Variants in RGS5 observed in about 807,000 individuals in gnomAD.
RGS5 encodes regulator of G-protein signalling 5.
RGS5 carries 20 observed loss-of-function variants against 18.9 expected under a neutral mutation model. That is an observed-to-expected ratio of 1.06 (90% CI 0.74 to 1.54). The LOEUF is 1.54. Ranked by LOEUF, RGS5 falls within the 40% of genes most tolerant of loss-of-function variation. The probability of loss-of-function intolerance (pLI) is 0.00; values close to 1 mark genes in which losing one functional copy is unlikely to be tolerated. For synonymous variants in RGS5, 57 were observed against 76.2 expected, an observed-to-expected ratio of 0.75 and a Z score of 1.31; for missense variants, 201 against 211.8, an observed-to-expected ratio of 0.95 and a Z score of 0.32.
intron 2 of RGS5, among the ~76,000 whole-genome samples, chr1:163,250,295 A>C (rs1402172204): frequency 2.0e-5 from 3 of 152,238 alleles, no homozygotes. Context: ...ATGAGTGCAA[A>C]GAAAAAAAGA....
At chr1:163,316,715 T>C (rs555648912) in intron 1 of RGS5, among the ~76,000 whole-genome samples, 34 of 152,376 alleles carry the variant, frequency 2.2e-4, no homozygotes, top group African/African-American at 6.3e-4. Flanking sequence ...ACTTTTTATG[T>C]CATCTTTTTA....
At chr1:163,149,222 C>A (rs1345998437) in intron 4 of RGS5, among the ~76,000 whole-genome samples, 1 of 152,174 alleles carries the variant, frequency 6.6e-6, no homozygotes, top group Non-Finnish European at 1.5e-5. Context: ...GTGAAGACCT[C>A]AGAGAGGTCA....
intron 2 of RGS5, among the ~76,000 whole-genome samples, chr1:163,284,317 T>C (rs1649081425): frequency 6.6e-6 from 1 of 152,208 alleles, no homozygotes; most frequent in Admixed American, 6.5e-5. Context: ...AAGTCCCTAT[T>C]TGATTCTTTT....
Position 163,145,862 on chromosome 1 carries a change from G to T in RGS5, c.*1480C>A, listed in dbSNP as rs761789886. On this transcript the variant is annotated 3_prime_UTR_variant, in exon 5 of 5. Coordinates refer to ENST00000313961, the MANE Select transcript of RGS5 (RefSeq NM_003617.4). ...GTGTGAATGAAAGAGAGCAACAGAA[G>T]GAGGAAATACAAGACTAGACAATGT... is the stretch of plus-strand genomic sequence containing the variant. 2.0e-5 allele frequency: 3 copies of T among 152,068 alleles called. No homozygotes were observed. Among genetic ancestry groups the T allele is most frequent in the African/African-American group, 2.4e-5 (1 of 41,398 alleles). The allele number at this position is 152,068 out of a possible 1,614,324, so 9.4% of individuals were successfully genotyped here. A position where few individuals can be genotyped will look rare whatever the true frequency, so the allele number is the denominator to read the frequency against.
chr1:163,168,443 G>C, intron 1 of RGS5, 75 bp from the exon 2 acceptor site: 1 of 1,093,046 alleles, frequency 9.1e-7, no homozygotes, highest in Non-Finnish European at 1.4e-6. Flanking sequence ...TTCTTCCTGT[G>C]TCAGAGAAAC....
chr1:163,202,967 G>A (rs1474707179), upstream of RGS5: 1 of 794,650 alleles, frequency 1.3e-6, no homozygotes, highest in Non-Finnish European at 2.0e-6. Flanking sequence ...CCAGCCCTCT[G>A]TTGCTCTTCC....
intron 2 of RGS5, among the ~76,000 whole-genome samples, chr1:163,300,952 T>C (rs903097397): frequency 2.6e-5 from 4 of 152,116 alleles, no homozygotes; most frequent in Admixed American, 6.5e-5. Context: ...AGGAATAAGT[T>C]TGAAAGCAGG....
intron 2 of RGS5, chr1:163,248,688 C>A (rs1377505834): frequency 6.6e-6 from 1 of 152,074 alleles, no homozygotes; most frequent in Non-Finnish European, 1.5e-5. Context: ...CTTGTCTTCT[C>A]CTTAGCACTC....
At chr1:163,175,416 T>C (rs556652493) in intron 1 of RGS5, among the ~76,000 whole-genome samples, 142 of 152,272 alleles carry the variant, frequency 9.3e-4, no homozygotes, top group African/African-American at 3.3e-3. Context: ...GTTTGCTCCT[T>C]GTAGGTGGCT....
chr1:163,276,056 G>A lies in RGS5; in HGVS notation c.-281+30177C>T, dbSNP rs186007811. Among the ~76,000 whole-genome samples, 337 of 151,876 alleles carry A rather than the reference G, an allele frequency of 2.2e-3. 1 individual carries two copies. The highest frequency in any genetic ancestry group is 7.9e-3 in the African/African-American group (325 of 41,378). On this transcript the variant is annotated intron_variant, in intron 2 of 5. Coordinates refer to the RGS5 transcript ENST00000618415. ...GTTGCCCAAGCTGGAGTACAATGGC[G>A]CGATCTTGGCTCACTGCAACCTTCA...
chr1:163,234,991 A>T (rs1428279167), intron 2 of RGS5, among the ~76,000 whole-genome samples: 1 of 152,166 alleles, frequency 6.6e-6, no homozygotes, highest in East Asian at 1.9e-4. Flanking sequence ...GTACACCATC[A>T]CTTCTGCCAC....
Position 163,168,378 on chromosome 1 carries a change from G to C in RGS5, c.45-10C>G. Reference sequence around the variant, plus strand: ...CTTAATCTCCTTGGCCCTGAAAGAAGAGACACAAGGGGAAATGAGGACACC... The same window carrying C: ...CTTAATCTCCTTGGCCCTGAAAGAACAGACACAAGGGGAAATGAGGACACC... On this transcript the variant is annotated splice_polypyrimidine_tract_variant and intron_variant, in intron 1 of 4. Transcript: ENST00000313961. 2 of 1,599,040 alleles carry C rather than the reference G, an allele frequency of 1.3e-6. No homozygotes were observed. The highest frequency in any genetic ancestry group is 1.7e-6 in the Non-Finnish European group (2 of 1,166,464).
At chr1:163,293,717 A>T (rs1478209545) in intron 2 of RGS5, among the ~76,000 whole-genome samples, 1 of 152,182 alleles carries the variant, frequency 6.6e-6, no homozygotes, top group Non-Finnish European at 1.5e-5. Flanking sequence ...ATCAGAGATA[A>T]GGGAAGTCCC....
intron 2 of RGS5, among the ~76,000 whole-genome samples, chr1:163,274,190 T>C (rs935241797): frequency 6.6e-6 from 1 of 152,084 alleles, no homozygotes; most frequent in African/African-American, 2.4e-5. Context: ...TGTATGCTAA[T>C]CAGGTGACAG....
chr1:163,202,723 T>C (rs1659824646), intron 1 of RGS5, 69 bp downstream of exon 1: 2 of 1,446,354 alleles, frequency 1.4e-6, no homozygotes, highest in African/African-American at 2.8e-5. Flanking sequence ...CTGTTACCAC[T>C]GGGCAGCCTC....
chr1:163,150,178 A>G (rs1369903306), intron 4 of RGS5, among the ~76,000 whole-genome samples: 1 of 151,908 alleles, frequency 6.6e-6, no homozygotes, highest in South Asian at 2.1e-4. Context: ...ATAAGCATAG[A>G]TCATTTAGAA....
At chr1:163,164,943 T>C (rs1311216318) in intron 2 of RGS5, among the ~76,000 whole-genome samples, 1 of 152,216 alleles carries the variant, frequency 6.6e-6, no homozygotes, top group East Asian at 1.9e-4. Context: ...AAATTCAAGT[T>C]ATTTACTGTC....
chr1:163,294,121 G>A (rs1266226932), intron 2 of RGS5, among the ~76,000 whole-genome samples: 11 of 152,288 alleles, frequency 7.2e-5, no homozygotes. Flanking sequence ...GGAGGATGGT[G>A]GCCTTCTTTT....
intron 3 of RGS5, among the ~76,000 whole-genome samples, chr1:163,156,633 C>T (rs530944057): frequency 1.3e-5 from 2 of 152,232 alleles, no homozygotes; most frequent in African/African-American, 4.8e-5. Flanking sequence ...GTGCACCTAA[C>T]ATTTAATAGA....
Sources: gnomAD v4.1 joint callset for allele counts (sites outside exome capture counted in the v4.1 genomes callset) on GRCh38, gnomAD v4.1.1 for gene constraint, MANE v1.5 for transcripts, NCBI Gene and HGNC (gene_info 2026-07-23, HGNC 2026-07-21) for gene names.